The following RMDN1 variants were observed in gnomAD, a reference collection of about 807,000 sequenced individuals.
RMDN1 encodes the protein regulator of microtubule dynamics 1.
A neutral mutation model predicts 48.9 loss-of-function variants in RMDN1; 48 were observed. The observed-to-expected ratio is 0.98, with a 90% CI of 0.78 to 1.25. RMDN1 has a LOEUF of 1.25. Among genes scored for constraint, RMDN1 ranks in the 50% most tolerant of loss-of-function variants. The probability of loss-of-function intolerance (pLI) is 0.00; values close to 1 mark genes in which losing one functional copy is unlikely to be tolerated. For synonymous variants in RMDN1, 148 were observed against 132.6 expected, an observed-to-expected ratio of 1.12 and a Z score of -0.80; for missense variants, 418 against 373.4, an observed-to-expected ratio of 1.12 and a Z score of -0.98.
chr8:86,486,454 C>T lies in RMDN1; in HGVS notation c.495+30G>A, dbSNP rs760264470. ...AATATAGAAAATGTACCTCTCAGTACATGGTTAATAGCTTAGTTAAGCAAC... is the reference window on the plus strand; with the variant it reads ...AATATAGAAAATGTACCTCTCAGTATATGGTTAATAGCTTAGTTAAGCAAC... On this transcript the variant is annotated intron_variant, in intron 4 of 9. Coordinates refer to ENST00000406452, the MANE Select transcript of RMDN1 (RefSeq NM_016033.3). 28 of 1,510,312 alleles carry T rather than the reference C, an allele frequency of 1.9e-5. No homozygotes were observed. In the South Asian group the frequency reaches 3.7e-4, roughly 20 times the overall value. 93.6% of individuals were successfully genotyped at this position (1,510,312 alleles called of 1,614,324 possible). A position where few individuals can be genotyped will look rare whatever the true frequency, so the allele number is the denominator to read the frequency against.
At chr8:86,481,458 T>C (rs1013336283) in intron 5 of RMDN1, among the ~76,000 whole-genome samples, 1 of 151,724 alleles carries the variant, frequency 6.6e-6, no homozygotes, top group African/African-American at 2.4e-5. Context: ...TTCTATTTCC[T>C]AAGAATGATA....
chr8:86,470,762 A>T (rs1267637219), downstream of RMDN1, among the ~76,000 whole-genome samples: 1 of 152,140 alleles, frequency 6.6e-6, no homozygotes, highest in African/African-American at 2.4e-5. Context: ...ATGTTGAGTG[A>T]AAAAAAGTAT....
Position 86,508,589 on chromosome 8 carries a change from A to T in RMDN1, c.32T>A (p.Leu11Gln). The T allele has an allele frequency of 6.2e-7, 1 of 1,605,442 alleles. No homozygotes were observed. The highest frequency in any genetic ancestry group is 2.2e-5 in the East Asian group (1 of 44,592). Reference protein sequence around the residue: MALAARLWRLLPFRRGAAPGS... With the variant: MALAARLWRLQPFRRGAAPGS... ...CGGGGCGGCTCCACGTCGGAAAGGC[A>T]GAAGGCGCCACAGTCGAGCAGCCAG... The change falls in exon 1 of 10, where the codon CTG becomes CAG. Residue 11 changes from leucine to glutamine, a missense_variant. Physicochemically the swap from Leu to Gln is moderately radical, Grantham distance 113. Transcript: ENST00000406452.
At chr8:86,485,137 ACT>A (rs1453328883) in intron 4 of RMDN1, among the ~76,000 whole-genome samples, 176 bp from the exon 5 acceptor site, 1 of 152,164 alleles carries the variant, frequency 6.6e-6, no homozygotes, top group African/African-American at 2.4e-5. Flanking sequence ...CCCTCTAGAA[ACT>A]CAGGAATAGG....
intron 6 of RMDN1, among the ~76,000 whole-genome samples, chr8:86,479,365 G>A (rs1813951350): frequency 6.6e-6 from 1 of 152,068 alleles, no homozygotes; most frequent in Admixed American, 6.5e-5. Flanking sequence ...AAAACTCAGA[G>A]AAGTTAAACC....
chr8:86,482,940 T>G (rs1814793308), intron 5 of RMDN1: 1 of 814,550 alleles, frequency 1.2e-6, no homozygotes, highest in Non-Finnish European at 2.2e-6. Flanking sequence ...GCAGGTGGGC[T>G]CGGACGAGGT....
At chr8:86,502,422 G>A (rs1818404264) in intron 2 of RMDN1, among the ~76,000 whole-genome samples, 1 of 149,658 alleles carries the variant, frequency 6.7e-6, no homozygotes, top group Admixed American at 6.6e-5. Flanking sequence ...TTGTAGAGAT[G>A]GGGGTCTCAC....
chr8:86,489,410 T>G (rs1200781711), intron 2 of RMDN1, among the ~76,000 whole-genome samples: 1 of 152,216 alleles, frequency 6.6e-6, no homozygotes, highest in Non-Finnish European at 1.5e-5. Context: ...GAAATTCCAA[T>G]TATTATTCAG....
chr8:86,505,481 G>A (rs1156997343), intron 2 of RMDN1: 1 of 404,906 alleles, frequency 2.5e-6, no homozygotes, highest in African/African-American at 2.0e-5. Context: ...CGGGGTTTAT[G>A]TAAGAGCACC....
rs1042314412 is a variant in RMDN1 at position 86,504,735 on chromosome 8, T to A, written c.247+2260A>T. 5.0e-6 allele frequency: 5 copies of A among 1,003,952 alleles called. No individual in the cohort carries two copies. In the African/African-American group the frequency reaches 7.9e-5, roughly 16 times the overall value. The allele number at this position is 1,003,952 out of a possible 1,614,324, so 62.2% of individuals were successfully genotyped here. A position where few individuals can be genotyped will look rare whatever the true frequency, so the allele number is the denominator to read the frequency against. On this transcript the variant is annotated intron_variant, in intron 2 of 9. Coordinates refer to ENST00000406452, the MANE Select transcript of RMDN1 (RefSeq NM_016033.3). The stretch of plus-strand genomic sequence containing the variant: ...AATTGGACCAGGTCCCATTTCCTGG[T>A]TTATTGTGGCCGAACTCTTCAGCCA...
Position 86,473,486 on chromosome 8 carries a change from C to A in RMDN1, c.*822G>T. 1 of 985,282 alleles carries A rather than the reference C, an allele frequency of 1.0e-6. No homozygotes were observed. The highest frequency in any genetic ancestry group is 1.2e-6 in the Non-Finnish European group (1 of 829,770). 61.0% of individuals were successfully genotyped at this position (985,282 alleles called of 1,614,324 possible). ...CTACACCACATTTAAAGTAAACTGGCCAGGTGCGGTGGCTCACGCCTGTAA... is the reference window on the plus strand; with the variant it reads ...CTACACCACATTTAAAGTAAACTGGACAGGTGCGGTGGCTCACGCCTGTAA... On this transcript the variant is annotated 3_prime_UTR_variant, in exon 10 of 10. Transcript: ENST00000406452.
chr8:86,482,936 G>A lies in RMDN1; in HGVS notation c.585+1936C>T, dbSNP rs541490322. 7 of 832,860 alleles carry A rather than the reference G, an allele frequency of 8.4e-6. No individual in the cohort carries two copies. In the African/African-American group the frequency reaches 1.0e-4, roughly 12 times the overall value. 51.6% of individuals were successfully genotyped at this position (832,860 alleles called of 1,614,324 possible). A position where few individuals can be genotyped will look rare whatever the true frequency, so the allele number is the denominator to read the frequency against. ...CTGGCTGTTTCCTCCAGAGGCAGGT[G>A]GGCTCGGACGAGGTCCCCGGCGGAC... On this transcript the variant is annotated intron_variant, in intron 5 of 9. Coordinates refer to ENST00000406452, the MANE Select transcript of RMDN1 (RefSeq NM_016033.3).
At chr8:86,505,901 C>T (rs910319705) in intron 2 of RMDN1, among the ~76,000 whole-genome samples, 3 of 152,214 alleles carry the variant, frequency 2.0e-5, no homozygotes, top group African/African-American at 7.2e-5. Flanking sequence ...CATATGCCTA[C>T]ATAATAAAGT....
In RMDN1 at chr8:86,472,421, T is replaced by C. The variant is rs1812691190; in HGVS notation, c.*1887A>G. 1 of 702,404 alleles carries C rather than the reference T, an allele frequency of 1.4e-6. No individual in the cohort carries two copies. The highest frequency in any genetic ancestry group is 1.7e-5 in the African/African-American group (1 of 57,256). The allele number at this position is 702,404 out of a possible 1,614,324, so 43.5% of individuals were successfully genotyped here. A position where few individuals can be genotyped will look rare whatever the true frequency, so the allele number is the denominator to read the frequency against. On this transcript the variant is annotated 3_prime_UTR_variant, in exon 10 of 10. Transcript: ENST00000406452. ...CATTTTAAAAAGCCATCCAGCAGAA[T>C]GCCACATCCCTAGAAAGACCCACTT... is the stretch of plus-strand genomic sequence containing the variant.
downstream of RMDN1, among the ~76,000 whole-genome samples, chr8:86,470,717 C>G (rs910430993): frequency 1.3e-5 from 2 of 151,974 alleles, no homozygotes; most frequent in African/African-American, 4.8e-5. Context: ...TAAAAAGAAA[C>G]AAACTATTGA....
intron 2 of RMDN1, among the ~76,000 whole-genome samples, chr8:86,505,551 T>C (rs1819183123): frequency 6.6e-6 from 1 of 152,198 alleles, no homozygotes; most frequent in Admixed American, 6.5e-5. Flanking sequence ...TATTTTACCC[T>C]CTGGTTTAAT....
upstream of RMDN1, among the ~76,000 whole-genome samples, chr8:86,513,329 C>T (rs962797601): frequency 2.0e-5 from 3 of 152,104 alleles, no homozygotes; most frequent in Admixed American, 6.5e-5. Context: ...GAGCTGAGAT[C>T]GCGCCATTGC....
intron 5 of RMDN1, 150 bp downstream of exon 5, chr8:86,484,718 CAAAA>C (rs34599016): frequency 3.3e-3 from 909 of 273,028 alleles, no homozygotes; most frequent in South Asian, 4.6e-3. Flanking sequence ...AACTCCGTCT[CAAAA>C]AAAAAAAAAA....
At chr8:86,509,449 C>T (rs1819922987), upstream of RMDN1, among the ~76,000 whole-genome samples, 1 of 152,002 alleles carries the variant, frequency 6.6e-6, no homozygotes, top group African/African-American at 2.4e-5. Context: ...TACTTGAGGC[C>T]TGATCAGGGT....
Sources: allele counts gnomAD v4.1 joint callset (sites outside exome capture counted in the v4.1 genomes callset), GRCh38; gene constraint gnomAD v4.1.1; transcripts MANE v1.5; gene names NCBI Gene and HGNC (gene_info 2026-07-23, HGNC 2026-07-21).